DUSP8: variants seen among roughly 807,000 people sequenced by gnomAD.
DUSP8 encodes dual specificity protein phosphatase 8.
DUSP8 carries 15 observed loss-of-function variants against 38.7 expected under a neutral mutation model. The observed-to-expected ratio is 0.39, with a 90% CI of 0.26 to 0.60. The LOEUF is 0.60. Among genes scored for constraint, DUSP8 ranks in the 20% least tolerant of loss-of-function variants. The pLI is 0.56. For synonymous variants in DUSP8, 458 were observed against 433.9 expected (o/e 1.06, Z -0.69); for missense variants, 768 against 915.0 (o/e 0.84, Z 2.07).
rs1279019053 is a variant in DUSP8 at position 1,554,617 on chromosome 11, G to C, written c.*1901C>G. ...GACAGACAGCCCCCCTCAACGGCCT[G>C]CAGAAGGGACAAGGGGAAGGGGGAA... On this transcript the variant is annotated 3_prime_UTR_variant, in exon 7 of 7. Coordinates refer to ENST00000397374, the MANE Select transcript of DUSP8 (RefSeq NM_004420.3). 1 of 986,750 alleles carries C rather than the reference G, an allele frequency of 1.0e-6. No homozygotes were observed. Among genetic ancestry groups the C allele is most frequent in the Non-Finnish European group, 1.2e-6 (1 of 829,216 alleles). 61.1% of individuals were successfully genotyped at this position (986,750 alleles called of 1,614,324 possible).
In DUSP8 at chr11:1,555,055, T is replaced by G; in HGVS notation, c.*1463A>C. ...CCCTGCTCCAGGACTCAGGACTGGG[T>G]CCTGCCCTGGGCTGCCTCTCCGGCC... On this transcript the variant is annotated 3_prime_UTR_variant, in exon 7 of 7. Transcript: ENST00000397374. The G allele has an allele frequency of 2.0e-6, 2 of 986,364 alleles. No homozygotes were observed. Among genetic ancestry groups the G allele is most frequent in the Non-Finnish European group, 2.4e-6 (2 of 830,062 alleles). The allele number at this position is 986,364 out of a possible 1,614,324, so 61.1% of individuals were successfully genotyped here. A position where few individuals can be genotyped will look rare whatever the true frequency, so the allele number is the denominator to read the frequency against.
chr11:1,559,621 C>T (rs922641774), intron 3 of DUSP8, among the ~76,000 whole-genome samples: 6 of 152,224 alleles, frequency 3.9e-5, no homozygotes, highest in Admixed American at 6.5e-5. Context: ...AGGCCCTCCC[C>T]GTCCCCAGGC....
In DUSP8 at chr11:1,564,034, G is replaced by A. The variant is rs545757883; in HGVS notation, c.232-45C>T. The A allele has an allele frequency of 5.7e-6, 8 of 1,403,780 alleles. No individual in the cohort carries two copies. The South Asian group carries it at 1.1e-4, about 20-fold the overall frequency. The allele number at this position is 1,403,780 out of a possible 1,614,324, so 87.0% of individuals were successfully genotyped here. On this transcript the variant is annotated intron_variant, in intron 2 of 6. Transcript: ENST00000397374. ...GATCAGCATGCCGCCTCCACCTATC[G>A]ATGCCCTGGCCCCGTCCCAGATATG...
chr11:1,566,133 C>T (rs976008936), intron 1 of DUSP8, among the ~76,000 whole-genome samples, 199 bp from the exon 2 acceptor site: 1 of 152,096 alleles, frequency 6.6e-6, no homozygotes, highest in African/African-American at 2.4e-5. Context: ...CAGAGGGGGG[C>T]AAATGGGCCC....
At chr11:1,564,037 G>A in intron 2 of DUSP8, 48 bp from the exon 3 acceptor site, 1 of 1,386,468 alleles carries the variant, frequency 7.2e-7, no homozygotes. Flanking sequence ...ACCTATCGAT[G>A]CCCTGGCCCC....
chr11:1,564,594 T>C (rs978496235), intron 2 of DUSP8, among the ~76,000 whole-genome samples: 1 of 152,136 alleles, frequency 6.6e-6, no homozygotes, highest in Non-Finnish European at 1.5e-5. Flanking sequence ...CCAGCCCAGA[T>C]GTTGAGCGGC....
At chr11:1,563,340 T>C (rs1001605030) in intron 3 of DUSP8, among the ~76,000 whole-genome samples, 2 of 152,028 alleles carry the variant, frequency 1.3e-5, no homozygotes, top group Non-Finnish European at 2.9e-5. Flanking sequence ...TATCAGCGTG[T>C]GTAGGGGGGC....
chr11:1,555,499 G>GCCCCCCCCC lies in DUSP8; in HGVS notation c.*1018_*1019insGGGGGGGGG. On this transcript the variant is annotated 3_prime_UTR_variant, in exon 7 of 7. Coordinates refer to ENST00000397374, the MANE Select transcript of DUSP8 (RefSeq NM_004420.3). ...GGGGCATGGCTGGGAGGGGGGCGGG[G>GCCCCCCCCC]CAGACCTGGAACAGAACCCTAAGAC... 1 of 348,846 alleles carries GCCCCCCCCC rather than the reference G, an allele frequency of 2.9e-6. No homozygotes were observed. Among genetic ancestry groups the GCCCCCCCCC allele is most frequent in the Non-Finnish European group, 4.0e-6 (1 of 248,816 alleles). The allele number at this position is 348,846 out of a possible 1,614,324, so 21.6% of individuals were successfully genotyped here.
intron 1 of DUSP8, among the ~76,000 whole-genome samples, chr11:1,570,559 C>T (rs975373535): frequency 2.0e-5 from 3 of 152,206 alleles, no homozygotes; most frequent in Admixed American, 2.0e-4. Flanking sequence ...TTCTGCACCT[C>T]TGTTAATGGG....
chr11:1,556,347 G>A lies in DUSP8; in HGVS notation c.*171C>T, dbSNP rs1402469132. ...TAAAAATAGAGCTCGAGGACCACCC[G>A]CACTGTTGCCAAATCATTGCCAGAA... On this transcript the variant is annotated 3_prime_UTR_variant, in exon 7 of 7. Transcript: ENST00000397374. This position sits in a 1 kb window ranked among gnomAD's most constrained non-coding sequence, Gnocchi z 5.2. 1.0e-5 allele frequency: 9 copies of A among 868,784 alleles called. No individual in the cohort carries two copies. The highest frequency in any genetic ancestry group is 3.3e-5 in the East Asian group (1 of 29,896). 53.8% of individuals were successfully genotyped at this position (868,784 alleles called of 1,614,324 possible).
chr11:1,561,709 C>A (rs371454593), intron 3 of DUSP8, among the ~76,000 whole-genome samples: 42 of 152,362 alleles, frequency 2.8e-4, no homozygotes, highest in East Asian at 2.1e-3. Context: ...TTGGTCCTCA[C>A]ATTCCGGCCT....
rs1430375106 is a variant in DUSP8 at position 1,572,194 on chromosome 11, G to T, written c.-402C>A. ...TCCGGCGCGGCTCGGGCTCGGGCTC[G>T]GGCTCGGGCTCGGGCGTCCGGCGTC... On this transcript the variant is annotated 5_prime_UTR_variant, in exon 1 of 7. Coordinates refer to ENST00000397374, the MANE Select transcript of DUSP8 (RefSeq NM_004420.3). This position sits in a 1 kb window ranked among gnomAD's most constrained non-coding sequence, Gnocchi z 4.7. Among the ~76,000 whole-genome samples the T allele has an allele frequency of 6.9e-6, 1 of 144,672 alleles. No homozygotes were observed. The highest frequency in any genetic ancestry group is 2.0e-4 in the East Asian group (1 of 4,952). 94.9% of individuals were successfully genotyped at this position (144,672 alleles called of 152,430 possible).
In DUSP8 at chr11:1,557,033, G is replaced by A; in HGVS notation, c.1363C>T (p.Arg455Trp). 1.9e-6 allele frequency: 2 copies of A among 1,073,856 alleles called. No homozygotes were observed. Among genetic ancestry groups the A allele is most frequent in the Non-Finnish European group, 1.1e-6 (1 of 888,240 alleles). The allele number at this position is 1,073,856 out of a possible 1,614,324, so 66.5% of individuals were successfully genotyped here. A position where few individuals can be genotyped will look rare whatever the true frequency, so the allele number is the denominator to read the frequency against. Reference sequence around the variant, plus strand: ...GAGCCGGCGGGGGGCCGGGGCCGCCGGCGGGGCCGTGGGCGCGCCTCAGGC... The same window carrying A: ...GAGCCGGCGGGGGGCCGGGGCCGCCAGCGGGGCCGTGGGCGCGCCTCAGGC... Reference protein sequence around the residue: ...AAPEARPRPRRRPRPPAGSPA... With the variant: ...AAPEARPRPRWRPRPPAGSPA... Residue 455 changes from arginine to tryptophan, a missense_variant, in exon 7 of 7, where the codon CGG becomes TGG. By Grantham distance (101) the Arg-to-Trp change is moderately radical. This residue lies in a region of DUSP8 where 474 missense variants were observed against 430.8 expected (regional missense o/e 1.10). Coordinates refer to ENST00000397374, the MANE Select transcript of DUSP8 (RefSeq NM_004420.3). The surrounding 1 kb of genome is among the most constrained non-coding windows in gnomAD (Gnocchi z 9.9).
rs1848626995 is a variant in DUSP8 at position 1,556,566 on chromosome 11, G to T, written c.1830C>A (p.Gly610=). Residue 610 remains glycine, a synonymous_variant, in exon 7 of 7, where the codon GGC becomes GGA. Transcript: ENST00000397374. The surrounding 1 kb of genome is among the most constrained non-coding windows in gnomAD (Gnocchi z 5.2). ...CGCTGCCCGAGAAGCTCGCCTGCTT[G>T]CCCAGGGCGGCCAGCTCCTCGCCGC... The part of the protein sequence containing the change: ...RARGEELAAL[G]KQASFSGSVE... 5 of 1,424,650 alleles carry T rather than the reference G, an allele frequency of 3.5e-6. No individual in the cohort carries two copies. In the African/African-American group the frequency reaches 7.4e-5, roughly 21 times the overall value. The allele number at this position is 1,424,650 out of a possible 1,614,324, so 88.3% of individuals were successfully genotyped here.
At position 1,558,354 on chromosome 11, in the gene DUSP8, G is replaced by A. The variant is rs1033051864; in HGVS notation, c.538-83C>T. 9.1e-5 allele frequency: 107 copies of A among 1,174,316 alleles called. 1 individual carries two copies. The highest frequency in any genetic ancestry group is 5.8e-4 in the Middle Eastern group (2 of 3,478). The allele number at this position is 1,174,316 out of a possible 1,614,324, so 72.7% of individuals were successfully genotyped here. On this transcript the variant is annotated intron_variant, in intron 4 of 6. Coordinates refer to ENST00000397374, the MANE Select transcript of DUSP8 (RefSeq NM_004420.3). This position sits in a 1 kb window ranked among gnomAD's most constrained non-coding sequence, Gnocchi z 6.3. ...AGGTGGAGGCTTTTCCTGCCCTGCC[G>A]TCAGGAGGGCCTTTAGAATCCTGGG... is the stretch of plus-strand genomic sequence containing the variant.
intron 3 of DUSP8, among the ~76,000 whole-genome samples, chr11:1,562,789 A>G (rs1284146689): frequency 6.6e-6 from 1 of 152,032 alleles, no homozygotes; most frequent in African/African-American, 2.4e-5. Flanking sequence ...ACGCACAGAC[A>G]CCCTCTGACC....
rs189061887 is a variant in DUSP8 at position 1,557,578 on chromosome 11, C to T, written c.822-4G>A. 4.7e-4 allele frequency: 733 copies of T among 1,568,274 alleles called. 5 individuals are homozygous for T. In the African/African-American group the frequency reaches 8.6e-3, roughly 18 times the overall value. On this transcript the variant is annotated splice_polypyrimidine_tract_variant and splice_region_variant and intron_variant, in intron 6 of 6. Transcript: ENST00000397374. This position sits in a 1 kb window ranked among gnomAD's most constrained non-coding sequence, Gnocchi z 9.9. ...CGGGCGCCTGTCCTTCACGAACCTG[C>T]GGGGGAGGAGGCTCAGTCCCAGGCG... is the stretch of plus-strand genomic sequence containing the variant.
chr11:1,565,656 C>T lies in DUSP8; in HGVS notation c.171G>A (p.Arg57=), dbSNP rs769749659. 1 of 1,611,414 alleles carries T rather than the reference C, an allele frequency of 6.2e-7. No individual in the cohort carries two copies. Among genetic ancestry groups the T allele is most frequent in the Non-Finnish European group, 8.5e-7 (1 of 1,179,474 alleles). The change falls in exon 2 of 7, where the codon CGG becomes CGA. Residue 57 remains arginine, a synonymous_variant. Transcript: ENST00000397374. Reference sequence around the variant, plus strand: ...TGGTCACCTTGCCCTGCTGCAGCCGCCGCTTCACCAGCTTGGAGCAGCAGA... The same window carrying T: ...TGGTCACCTTGCCCTGCTGCAGCCGTCGCTTCACCAGCTTGGAGCAGCAGA... The part of the protein sequence containing the change: ...VNICCSKLVK[R]RLQQGKVTIA...
chr11:1,563,646 G>A (rs1247615941), intron 3 of DUSP8, among the ~76,000 whole-genome samples: 1 of 152,176 alleles, frequency 6.6e-6, no homozygotes, highest in African/African-American at 2.4e-5. Context: ...GCTGTACTGT[G>A]AGGTTTCCTT....
Sources: allele counts gnomAD v4.1 joint callset (sites outside exome capture counted in the v4.1 genomes callset), GRCh38; gene constraint gnomAD v4.1.1; regional missense constraint gnomAD v4.1.1; non-coding constraint Gnocchi (gnomAD v3.1); transcripts MANE v1.5; gene names NCBI Gene and HGNC (gene_info 2026-07-23, HGNC 2026-07-21).